SDK1: variants seen among roughly 807,000 people sequenced by gnomAD.
SDK1 encodes the protein protein sidekick-1.
A neutral mutation model predicts 245.5 loss-of-function variants in SDK1; 157 were observed. That is an observed-to-expected ratio of 0.64 (90% CI 0.56 to 0.73). The LOEUF is 0.73. Ranked by LOEUF, SDK1 falls within the 30% of genes least tolerant of loss-of-function variation. SDK1 has a pLI of 0.00. For synonymous variants in SDK1, 1,647 were observed against 1,278.5 expected (o/e 1.29, Z -6.15); for missense variants, 3,583 against 3,002.3 (o/e 1.19, Z -4.52).
chr7:3,514,862 G>A (rs1482994494), intron 1 of SDK1, among the ~76,000 whole-genome samples: 3 of 150,806 alleles, frequency 2.0e-5, no homozygotes, highest in African/African-American at 4.8e-5. Flanking sequence ...CCCATCACGC[G>A]TGCATGCGTG....
At position 3,819,931 on chromosome 7, in the gene SDK1, C is replaced by G. The variant is rs144255655; in HGVS notation, c.714-1519C>G. On this transcript the variant is annotated intron_variant, in intron 4 of 44. Transcript: ENST00000404826. ...TCATTTTGCATGCTTTTGATGTTAC[C>G]AGAATACAGATTTTAGATAATCTGA... Among the ~76,000 whole-genome samples, 223 of 152,198 alleles carry G rather than the reference C, an allele frequency of 1.5e-3. 1 individual carries two copies. The highest frequency in any genetic ancestry group is 5.3e-3 in the African/African-American group (219 of 41,536).
At chr7:3,374,591 T>G (rs565077762) in intron 1 of SDK1, among the ~76,000 whole-genome samples, 1 of 152,256 alleles carries the variant, frequency 6.6e-6, no homozygotes, top group Admixed American at 6.5e-5. Context: ...ATATTTTTAC[T>G]GGCCTTTTTT....
chr7:3,991,500 G>A (rs1321691453), intron 14 of SDK1, among the ~76,000 whole-genome samples: 1 of 152,124 alleles, frequency 6.6e-6, no homozygotes, highest in Non-Finnish European at 1.5e-5. Flanking sequence ...GGCAGGTGGG[G>A]TCCCTGTGTT....
At chr7:3,423,641 G>A (rs993602081) in intron 1 of SDK1, among the ~76,000 whole-genome samples, 1 of 151,534 alleles carries the variant, frequency 6.6e-6, no homozygotes, top group Non-Finnish European at 1.5e-5. Context: ...TTTCCAGGTA[G>A]GACTGTGCTA....
chr7:4,219,414 C>A (rs1785011925), intron 38 of SDK1, among the ~76,000 whole-genome samples: 2 of 152,206 alleles, frequency 1.3e-5, no homozygotes, highest in South Asian at 4.1e-4. Flanking sequence ...CTGGGGAGGC[C>A]TCACAATCAT....
At chr7:3,303,506 T>G (rs939473268) in intron 1 of SDK1, among the ~76,000 whole-genome samples, 1 of 152,230 alleles carries the variant, frequency 6.6e-6, no homozygotes, top group Non-Finnish European at 1.5e-5. Context: ...TGTAAAGCAT[T>G]GCATTTTAAC....
intron 5 of SDK1, among the ~76,000 whole-genome samples, chr7:3,837,238 G>A (rs180867144): frequency 5.3e-5 from 8 of 152,176 alleles, no homozygotes; most frequent in South Asian, 4.2e-4. Context: ...CAGAAGACCC[G>A]ACTAGACATT....
chr7:3,922,456 G>A (rs1256849656), intron 5 of SDK1, among the ~76,000 whole-genome samples: 2 of 152,198 alleles, frequency 1.3e-5, no homozygotes, highest in Admixed American at 6.5e-5. Context: ...ATGTTCCTCC[G>A]AATACCACTG....
intron 4 of SDK1, among the ~76,000 whole-genome samples, chr7:3,703,956 A>G (rs7796323): frequency 2.0e-5 from 3 of 152,104 alleles, no homozygotes; most frequent in African/African-American, 7.2e-5. Flanking sequence ...TTTTGGTTAC[A>G]TGGATGAATT....
intron 1 of SDK1, among the ~76,000 whole-genome samples, chr7:3,321,839 C>CCTTCCTT (rs1175768033): frequency 8.5e-6 from 1 of 117,208 alleles, no homozygotes; most frequent in African/African-American, 3.8e-5. Context: ...CTCCTTTTCT[C>CCTTCCTT]TCTCTCTCTC....
At chr7:4,242,213 C>T (rs1446470015) in intron 43 of SDK1, among the ~76,000 whole-genome samples, 1 of 152,180 alleles carries the variant, frequency 6.6e-6, no homozygotes, top group Non-Finnish European at 1.5e-5. Context: ...CTGTGTCAAT[C>T]GCATGCACCT....
chr7:4,080,309 C>G (rs1017807056), intron 22 of SDK1, among the ~76,000 whole-genome samples: 2 of 152,078 alleles, frequency 1.3e-5, no homozygotes, highest in Non-Finnish European at 2.9e-5. Flanking sequence ...CAGTGCCAGG[C>G]TTGAATAGGA....
At chr7:3,475,455 C>CT (rs1562509061) in intron 1 of SDK1, among the ~76,000 whole-genome samples, 1 of 152,226 alleles carries the variant, frequency 6.6e-6, no homozygotes, top group Non-Finnish European at 1.5e-5. Context: ...GTCTCTCTCA[C>CT]TTGGTGCTGC....
Position 4,034,499 on chromosome 7 carries a change from G to T in SDK1, c.2603-14849G>T, listed in dbSNP as rs557966152. Among the ~76,000 whole-genome samples, 3 of 152,266 alleles carry T rather than the reference G, an allele frequency of 2.0e-5. No individual in the cohort carries two copies. The East Asian group carries it at 5.8e-4, about 29-fold the overall frequency. Reference sequence around the variant, plus strand: ...AGTTTTTAATGTCTTTATACAATTTGAAATTCTTTGTAAATTTGAAATATT... The same window carrying T: ...AGTTTTTAATGTCTTTATACAATTTTAAATTCTTTGTAAATTTGAAATATT... On this transcript the variant is annotated intron_variant, in intron 17 of 44. Coordinates refer to ENST00000404826, the MANE Select transcript of SDK1 (RefSeq NM_152744.4).
Position 3,451,893 on chromosome 7 carries a change from A to G in SDK1, c.298+150009A>G, listed in dbSNP as rs114230853. On this transcript the variant is annotated intron_variant, in intron 1 of 44. Transcript: ENST00000404826. ...TGCAGGTGGTGTTGGGCAATTGCAA[A>G]GAGACTAGCCTCCAAATGGGAGTGT... Among the ~76,000 whole-genome samples, 812 of 152,312 alleles carry G rather than the reference A, an allele frequency of 5.3e-3. 7 individuals carry two copies. The highest frequency in any genetic ancestry group is 0.019 in the African/African-American group (773 of 41,578).
At chr7:4,190,003 C>G (rs149118925) in intron 35 of SDK1, among the ~76,000 whole-genome samples, 2,883 of 152,168 alleles carry the variant, frequency 0.019, 26 homozygotes, top group South Asian at 0.054. Flanking sequence ...AAAAAAAAAG[C>G]ACAGCTTCTA....
At chr7:3,494,312 C>T (rs1781954898) in intron 1 of SDK1, among the ~76,000 whole-genome samples, 1 of 152,060 alleles carries the variant, frequency 6.6e-6, no homozygotes, top group African/African-American at 2.4e-5. Flanking sequence ...TAGAGCAGGT[C>T]ATTAGAAATG....
chr7:3,575,896 T>C (rs1431126941), intron 1 of SDK1, among the ~76,000 whole-genome samples: 2 of 152,046 alleles, frequency 1.3e-5, no homozygotes, highest in Non-Finnish European at 2.9e-5. Flanking sequence ...GGCTCATGAA[T>C]AGCCCAGAGA....
chr7:4,105,246 G>T (rs1027261593), intron 22 of SDK1, among the ~76,000 whole-genome samples: 7 of 152,090 alleles, frequency 4.6e-5, no homozygotes, highest in African/African-American at 1.7e-4. Context: ...GTCTCCCAAA[G>T]TGCTGGGATT....
Sources: allele counts gnomAD v4.1 joint callset (sites outside exome capture counted in the v4.1 genomes callset), GRCh38; gene constraint gnomAD v4.1.1; transcripts MANE v1.5; gene names NCBI Gene and HGNC (gene_info 2026-07-23, HGNC 2026-07-21).